NOS3: variants seen among roughly 807,000 people sequenced by gnomAD.
NOS3 encodes the protein NOS type III.
A neutral mutation model predicts 144.9 loss-of-function variants in NOS3; 98 were observed. The ratio of observed to expected loss-of-function variants is 0.68; its 90% CI spans 0.57 to 0.80. The LOEUF (loss-of-function observed/expected upper bound fraction) is 0.80, where lower values mean the gene tolerates loss of function less well. NOS3 is among the 30% of genes least tolerant of loss of function. The pLI is 0.00. For synonymous variants in NOS3, 714 were observed against 702.4 expected (o/e 1.02, Z -0.26); for missense variants, 1,465 against 1,656.4 (o/e 0.88, Z 2.01).
At chr7:151,012,599 T>C in intron 24 of NOS3, 127 bp downstream of exon 24, 1 of 1,207,238 alleles carries the variant, frequency 8.3e-7, no homozygotes, top group Non-Finnish European at 1.1e-6. Context: ...GAAAAGACGC[T>C]CATGAGACCA....
Position 151,010,023 on chromosome 7 carries a change from G to A in NOS3, c.2513-92G>A, listed in dbSNP as rs1390506374. Reference sequence around the variant, plus strand: ...GGCCGACCCCGCTGCTCAAGGGCAGGCTCTCTAACAGTCACCAAAACACAA... The same window carrying A: ...GGCCGACCCCGCTGCTCAAGGGCAGACTCTCTAACAGTCACCAAAACACAA... On this transcript the variant is annotated intron_variant, in intron 20 of 26. Coordinates refer to ENST00000297494, the MANE Select transcript of NOS3 (RefSeq NM_000603.5). 1.5e-5 allele frequency: 12 copies of A among 810,410 alleles called. No individual in the cohort carries two copies. In the East Asian group the frequency reaches 3.0e-4, roughly 20 times the overall value. The allele number at this position is 810,410 out of a possible 1,614,324, so 50.2% of individuals were successfully genotyped here.
rs1388554868 is a variant in NOS3, at chr7:151,009,563, G to C, written c.2490G>C (p.Glu830Asp). 1 of 1,540,190 alleles carries C rather than the reference G, an allele frequency of 6.5e-7. No individual in the cohort carries two copies. Among genetic ancestry groups the C allele is most frequent in the Non-Finnish European group, 8.7e-7 (1 of 1,143,206 alleles). ...CGCCCACTGAGCCCGTGGCAGTAGA[G>C]CAGCTGGAGAAGGGCAGCCCTGGTG... ...PPAPTEPVAV[E>D]QLEKGSPGGP... Residue 830 changes from glutamate (E) to aspartate (D), a missense_variant, in exon 20 of 27, where the codon GAG (glutamate) becomes GAC (aspartate). By Grantham distance (45) the Glu-to-Asp change is conservative. Around this residue, in one of 5 missense-constraint regions of NOS3, gnomAD observed 745 missense variants for 853.9 expected, o/e 0.87. Transcript: ENST00000297494.
chr7:151,010,611 C>A lies in NOS3; in HGVS notation c.2700C>A (p.Tyr900Ter). 6.3e-7 allele frequency: 1 copy of A among 1,595,110 alleles called. No homozygotes were observed. The highest frequency in any genetic ancestry group is 8.5e-7 in the Non-Finnish European group (1 of 1,170,368). Reference protein sequence around the residue: ...LEALSQDPRRYEEWKWFRCPT... With the variant: ...LEALSQDPRR Reference sequence around the variant, plus strand: ...TGCCCCGCCAGGATCCCCGACGCTACGAGGAGTGGAAGTGGTTCCGCTGCC... The same window carrying A: ...TGCCCCGCCAGGATCCCCGACGCTAAGAGGAGTGGAAGTGGTTCCGCTGCC... The change falls in exon 22 of 27, where the codon TAC (tyrosine) becomes TAA (stop). Residue 900 changes from tyrosine to a stop codon, truncating the protein, a stop_gained. Transcript: ENST00000297494. LOFTEE classifies it high-confidence loss of function.
chr7:150,995,344 C>T (rs1431184897), intron 3 of NOS3, 30 bp downstream of exon 3: 1 of 1,514,408 alleles, frequency 6.6e-7, no homozygotes, highest in Admixed American at 1.7e-5. Context: ...TCCCCATCGT[C>T]TCCAGGGAAA....
At position 151,009,195 on chromosome 7, in the gene NOS3, T is replaced by C. The variant is rs1795252853; in HGVS notation, c.2252T>C (p.Ile751Thr). The C allele has an allele frequency of 6.2e-7, 1 of 1,612,868 alleles. No individual in the cohort carries two copies. Residue 751 changes from isoleucine to threonine, a missense_variant, in exon 19 of 27, where the codon ATC (isoleucine) becomes ACC (threonine). Ile to Thr is a moderately conservative substitution (Grantham distance 89). Coordinates refer to ENST00000297494, the MANE Select transcript of NOS3 (RefSeq NM_000603.5). ...AEGLQLLPGL[I>T]HVHRRKMFQA... ...TGCCCCTCCCCGCCCCCAGGTCTGA[T>C]CCACGTGCACAGGCGGAAGATGTTC...
chr7:151,010,224 G>A lies in NOS3; in HGVS notation c.2622G>A (p.Leu874=), dbSNP rs34967063. The stretch of plus-strand genomic sequence containing the variant: ...CCTCCCCACCCAGCCCTCAGCTCTT[G>A]CGGCTGCTCAGCACCTTGGCAGAAG... The part of the protein sequence containing the change: ...DITSPPSPQL[L]RLLSTLAEEP... Residue 874 remains leucine (L), a synonymous_variant, in exon 21 of 27, where the codon TTG becomes TTA. Transcript: ENST00000297494. 1.4e-3 allele frequency: 2,305 copies of A among 1,612,792 alleles called. 33 individuals carry two copies. The African/African-American group carries it at 0.027, about 19-fold the overall frequency.
intron 12 of NOS3, 88 bp downstream of exon 12, chr7:151,001,705 T>A: frequency 6.4e-7 from 1 of 1,565,904 alleles, no homozygotes; most frequent in African/African-American, 1.4e-5. Flanking sequence ...GCCCCAGCAG[T>A]GTTCTGGGCC....
At chr7:151,013,697 G>T (rs752849729) in intron 25 of NOS3, 27 bp from the exon 26 acceptor site, 19 of 1,535,492 alleles carry the variant, frequency 1.2e-5, no homozygotes, top group Non-Finnish European at 1.7e-5. Context: ...CCCCACCAGG[G>T]CCCGCCCTAA....
Position 151,002,055 on chromosome 7 carries a change from A to G in NOS3, c.1647+90A>G, listed in dbSNP as rs1370333794. ...GCCCTGGAGGACAGGAAGTGTTACA[A>G]GTCAGGACTCATGAGGAACCCGGAA... On this transcript the variant is annotated intron_variant, in intron 13 of 26. Transcript: ENST00000297494. This position sits in a 1 kb window ranked among gnomAD's most constrained non-coding sequence, Gnocchi z 4.1. The G allele has an allele frequency of 1.9e-6, 3 of 1,545,854 alleles. No individual in the cohort carries two copies. The African/African-American group carries it at 4.1e-5, about 21-fold the overall frequency.
At position 151,007,195 on chromosome 7, in the gene NOS3, G is replaced by A; in HGVS notation, c.2031G>A (p.Glu677=). 1 of 1,612,680 alleles carries A rather than the reference G, an allele frequency of 6.2e-7. No homozygotes were observed. Among genetic ancestry groups the A allele is most frequent in the African/African-American group, 1.3e-5 (1 of 75,054 alleles). ...VDTRLEELGG[E]RLLQLGQGDE... The stretch of plus-strand genomic sequence containing the variant: ...CACGGCTGGAGGAACTGGGCGGGGA[G>A]CGGCTGCTGCAGCTGGGCCAGGGCG... The change falls in exon 17 of 27, where the codon GAG becomes GAA. Residue 677 remains glutamate, a synonymous_variant. Coordinates refer to ENST00000297494, the MANE Select transcript of NOS3 (RefSeq NM_000603.5).
Position 151,013,218 on chromosome 7 carries a change from G to T in NOS3, c.3107-13G>T. On this transcript the variant is annotated splice_polypyrimidine_tract_variant and intron_variant, in intron 24 of 26. Coordinates refer to ENST00000297494, the MANE Select transcript of NOS3 (RefSeq NM_000603.5). ...CCGGAGAAGAGCCTTCCCAAGCGCGGGGTTGCTTGCAGGGCTGCAGCCCAC... is the reference window on the plus strand; with the variant it reads ...CCGGAGAAGAGCCTTCCCAAGCGCGTGGTTGCTTGCAGGGCTGCAGCCCAC... 1 of 1,609,058 alleles carries T rather than the reference G, an allele frequency of 6.2e-7. No homozygotes were observed. The highest frequency in any genetic ancestry group is 1.1e-5 in the South Asian group (1 of 90,738).
chr7:150,994,049 C>G, intron 2 of NOS3, 88 bp downstream of exon 2: 2 of 1,424,742 alleles, frequency 1.4e-6, no homozygotes, highest in Non-Finnish European at 1.9e-6. Context: ...GAACTTGTAG[C>G]TGAGTCGGGA....
At position 150,996,780 on chromosome 7, in the gene NOS3, A is replaced by ACGAACAGCGGCTTCAAGAGGTGGAAGC. The variant is rs1366823829; in HGVS notation, c.441_467dup (p.Gln148_Glu156dup). ...CTCCCCAGGAGCGGCTCCCAGGCCC[A>ACGAACAGCGGCTTCAAGAGGTGGAAGC]CGAACAGCGGCTTCAAGAGGTGGAA... On this transcript the variant is annotated inframe_insertion, in exon 5 of 27. Coordinates refer to ENST00000297494, the MANE Select transcript of NOS3 (RefSeq NM_000603.5). 5.6e-6 allele frequency: 9 copies of ACGAACAGCGGCTTCAAGAGGTGGAAGC among 1,611,598 alleles called. No homozygotes were observed. Among genetic ancestry groups the ACGAACAGCGGCTTCAAGAGGTGGAAGC allele is most frequent in the African/African-American group, 4.0e-5 (3 of 74,818 alleles).
Position 151,013,855 on chromosome 7 carries a change from C to T in NOS3, c.3387C>T (p.Arg1129=), listed in dbSNP as rs1329167898. ...CCAACGTCCTGCAGACCGTGCAGCG[C>T]ATCCTGGCGACGGAGGGCGACATGG... The part of the protein sequence containing the change: ...MATNVLQTVQ[R]ILATEGDMEL... The change falls in exon 26 of 27, where the codon CGC becomes CGT. Residue 1129 remains arginine (R), a synonymous_variant. Coordinates refer to ENST00000297494, the MANE Select transcript of NOS3 (RefSeq NM_000603.5). 10 of 1,604,792 alleles carry T rather than the reference C, an allele frequency of 6.2e-6. No individual in the cohort carries two copies. The Admixed American group carries it at 1.0e-4, about 16-fold the overall frequency.
chr7:151,013,426 G>A, intron 25 of NOS3, 47 bp downstream of exon 25: 2 of 1,576,760 alleles, frequency 1.3e-6, no homozygotes, highest in Non-Finnish European at 8.6e-7. Flanking sequence ...TAGGGAGAGA[G>A]GGGAGGACTC....
Position 150,995,229 on chromosome 7 carries a change from C to T in NOS3, c.185C>T (p.Pro62Leu). 1.2e-6 allele frequency: 2 copies of T among 1,610,858 alleles called. No individual in the cohort carries two copies. The highest frequency in any genetic ancestry group is 2.7e-5 in the African/African-American group (2 of 74,932). ...HSPPSSPLTQ[P>L]PEGPKFPRVK... ...CCCCCGAGCTCCCCGCTAACCCAGC[C>T]CCCAGAGGGGCCCAAGTTCCCTCGT... is the stretch of plus-strand genomic sequence containing the variant. The change falls in exon 3 of 27, where the codon CCC becomes CTC. Residue 62 changes from proline (P) to leucine (L), a missense_variant. By Grantham distance (98) the Pro-to-Leu change is moderately conservative. Around this residue, in one of 5 missense-constraint regions of NOS3, gnomAD observed 374 missense variants for 377.0 expected, o/e 0.99. Coordinates refer to ENST00000297494, the MANE Select transcript of NOS3 (RefSeq NM_000603.5).
chr7:151,007,380 T>C (rs980439336), intron 17 of NOS3, 104 bp downstream of exon 17: 56 of 1,282,496 alleles, frequency 4.4e-5, no homozygotes, highest in Non-Finnish European at 5.6e-5. Context: ...TTCCTGTTCC[T>C]TCCAAAATCC....
intron 10 of NOS3, among the ~76,000 whole-genome samples, chr7:151,000,897 G>T (rs1238851180): frequency 6.6e-6 from 1 of 152,154 alleles, no homozygotes; most frequent in East Asian, 1.9e-4. Flanking sequence ...GGACCCGCTG[G>T]ATCCTGGAAA....
Position 151,003,967 on chromosome 7 carries a change from T to A in NOS3, c.1752+1663T>A. On this transcript the variant is annotated intron_variant, in intron 14 of 26. Transcript: ENST00000297494. This position sits in a 1 kb window ranked among gnomAD's most constrained non-coding sequence, Gnocchi z 4.1. ...TTTTGTGGGCTTATGTTTTTATTTC[T>A]CTTGGGTAAATACCTAGGAGTAGAA... is the stretch of plus-strand genomic sequence containing the variant. 1 of 330,028 alleles carries A rather than the reference T, an allele frequency of 3.0e-6. No homozygotes were observed. The highest frequency in any genetic ancestry group is 5.9e-6 in the Non-Finnish European group (1 of 168,774). 20.4% of individuals were successfully genotyped at this position (330,028 alleles called of 1,614,324 possible). A position where few individuals can be genotyped will look rare whatever the true frequency, so the allele number is the denominator to read the frequency against.
Sources: gnomAD v4.1 joint callset for allele counts (sites outside exome capture counted in the v4.1 genomes callset) on GRCh38, gnomAD v4.1.1 for gene constraint, gnomAD v4.1.1 regional missense constraint, Gnocchi (gnomAD v3.1) non-coding constraint, MANE v1.5 for transcripts, NCBI Gene and HGNC (gene_info 2026-07-23, HGNC 2026-07-21) for gene names.